Variants in RBFOX1 observed in about 807,000 individuals in gnomAD.
RBFOX1 encodes RNA binding protein fox-1 homolog 1.
RBFOX1 carries 8 observed loss-of-function variants against 57.7 expected under a neutral mutation model. The observed-to-expected ratio is 0.14, with a 90% CI of 0.08 to 0.25. RBFOX1 has a LOEUF of 0.25. RBFOX1 is among the 10% of genes least tolerant of loss of function. RBFOX1 has a pLI of 1.00. For synonymous variants in RBFOX1, 326 were observed against 222.4 expected (o/e 1.47, Z -4.15); for missense variants, 611 against 548.5 (o/e 1.11, Z -1.14).
intron 7 of RBFOX1, among the ~76,000 whole-genome samples, chr16:7,590,197 G>A (rs566105870): frequency 3.3e-5 from 5 of 151,890 alleles, no homozygotes; most frequent in Non-Finnish European, 7.4e-5. Context: ...ATCCCAGGAG[G>A]TCAAGGCTTT....
chr16:7,705,080 A>C (rs1296817314), intron 14 of RBFOX1, among the ~76,000 whole-genome samples: 1 of 151,832 alleles, frequency 6.6e-6, no homozygotes, highest in Non-Finnish European at 1.5e-5. Flanking sequence ...AGAGCCAGAG[A>C]AAGAAGCATC....
chr16:5,788,898 C>A (rs1597258286), intron 3 of RBFOX1, among the ~76,000 whole-genome samples: 2 of 152,120 alleles, frequency 1.3e-5, no homozygotes, highest in African/African-American at 4.8e-5. Flanking sequence ...TCCTGTTGCA[C>A]CCCATATGTA....
chr16:6,773,642 G>T (rs1476814368), intron 3 of RBFOX1, among the ~76,000 whole-genome samples: 1 of 125,802 alleles, frequency 7.9e-6, no homozygotes, highest in African/African-American at 3.3e-5. Context: ...GTGTGTGTAT[G>T]TGTGGGTGTG....
At chr16:5,308,823 A>C (rs996742463) in intron 1 of RBFOX1, among the ~76,000 whole-genome samples, 2 of 151,208 alleles carry the variant, frequency 1.3e-5, no homozygotes, top group Non-Finnish European at 2.9e-5. Flanking sequence ...TTTTCTGGAG[A>C]TCTCTCTCGC....
chr16:7,398,432 C>T (rs565800286), intron 4 of RBFOX1, among the ~76,000 whole-genome samples: 1 of 152,138 alleles, frequency 6.6e-6, no homozygotes, highest in African/African-American at 2.4e-5. Flanking sequence ...TAAAGAATCT[C>T]AATATATGGT....
At chr16:6,518,485 G>T (rs780779109) in intron 2 of RBFOX1, among the ~76,000 whole-genome samples, 14 of 152,224 alleles carry the variant, frequency 9.2e-5, no homozygotes, top group East Asian at 1.9e-4. Flanking sequence ...GGCACACTGA[G>T]AGTCAGTTAT....
intron 3 of RBFOX1, among the ~76,000 whole-genome samples, chr16:6,712,248 A>C (rs28706618): frequency 6.6e-6 from 1 of 152,162 alleles, no homozygotes; most frequent in African/African-American, 2.4e-5. Context: ...GAACTCTGCT[A>C]TGAACCCTTA....
intron 3 of RBFOX1, among the ~76,000 whole-genome samples, chr16:5,815,733 A>G (rs1167883622): frequency 2.6e-5 from 4 of 152,186 alleles, no homozygotes; most frequent in African/African-American, 2.4e-5. Context: ...TTGCAATACA[A>G]TGCACTTTAA....
chr16:5,564,524 A>G (rs1445142739), intron 2 of RBFOX1, among the ~76,000 whole-genome samples: 1 of 152,140 alleles, frequency 6.6e-6, no homozygotes, highest in Non-Finnish European at 1.5e-5. Flanking sequence ...AACACGTGTC[A>G]GGTGTGTACC....
chr16:6,093,316 G>C (rs1394993083), intron 1 of RBFOX1, among the ~76,000 whole-genome samples: 1 of 152,034 alleles, frequency 6.6e-6, no homozygotes, highest in Non-Finnish European at 1.5e-5. Flanking sequence ...GCTCGCACCT[G>C]TAGGCACATC....
chr16:6,712,169 G>C lies in RBFOX1; in HGVS notation c.-16+57519G>C, dbSNP rs2063822741. Reference sequence around the variant, plus strand: ...GGAATGTAGAGGTGCTCAATGAACAGTAGCCATCATCATTATTTACTATCA... The same window carrying C: ...GGAATGTAGAGGTGCTCAATGAACACTAGCCATCATCATTATTTACTATCA... On this transcript the variant is annotated intron_variant, in intron 3 of 15. Coordinates refer to ENST00000550418, the MANE Select transcript of RBFOX1 (RefSeq NM_018723.4). Among the ~76,000 whole-genome samples, 3 of 152,140 alleles carry C rather than the reference G, an allele frequency of 2.0e-5. No homozygotes were observed. In the South Asian group the frequency reaches 6.2e-4, roughly 32 times the overall value.
At chr16:7,697,259 A>T (rs1446695574) in intron 14 of RBFOX1, among the ~76,000 whole-genome samples, 2 of 152,064 alleles carry the variant, frequency 1.3e-5, no homozygotes, top group Non-Finnish European at 2.9e-5. Context: ...CTGTATTTTG[A>T]TGGGAGAACA....
chr16:7,147,982 C>G (rs76054188), intron 4 of RBFOX1, among the ~76,000 whole-genome samples: 2 of 152,250 alleles, frequency 1.3e-5, no homozygotes, highest in East Asian at 3.9e-4. Flanking sequence ...TAGAACCTTG[C>G]AGTCACACAA....
chr16:7,501,121 C>T (rs2070690719), intron 4 of RBFOX1, among the ~76,000 whole-genome samples: 1 of 152,194 alleles, frequency 6.6e-6, no homozygotes, highest in Non-Finnish European at 1.5e-5. Context: ...TATGTCTTTA[C>T]TTGCAGTGTG....
chr16:7,015,331 C>T lies in RBFOX1; in HGVS notation c.-15-36726C>T, dbSNP rs191674269. ...TGTTCTTCTAGACTATGGAGTAGAT[C>T]TGGAGCTTGGCTTCTTAGCCTTTTC... On this transcript the variant is annotated intron_variant, in intron 3 of 15. Transcript: ENST00000550418. Among the ~76,000 whole-genome samples the T allele has an allele frequency of 3.9e-5, 6 of 152,186 alleles. 1 individual carries two copies. The South Asian group carries it at 1.2e-3, about 32-fold the overall frequency.
intron 3 of RBFOX1, among the ~76,000 whole-genome samples, chr16:5,618,687 G>A (rs896719226): frequency 6.6e-6 from 1 of 152,186 alleles, no homozygotes; most frequent in African/African-American, 2.4e-5. Flanking sequence ...TGTTTTAAAA[G>A]AAAGAAATGC....
intron 4 of RBFOX1, among the ~76,000 whole-genome samples, chr16:5,910,938 T>C (rs2058587633): frequency 6.6e-6 from 1 of 152,218 alleles, no homozygotes; most frequent in African/African-American, 2.4e-5. Flanking sequence ...CTCCTCCCTG[T>C]GTTCCCCAAA....
At chr16:6,256,036 C>A (rs754855751) in intron 1 of RBFOX1, among the ~76,000 whole-genome samples, 15 of 149,394 alleles carry the variant, frequency 1.0e-4, no homozygotes, top group African/African-American at 3.7e-4. Flanking sequence ...ATGTGTATCC[C>A]AGAACGTAAA....
chr16:6,007,925 G>A (rs928268717), intron 4 of RBFOX1, among the ~76,000 whole-genome samples: 4 of 152,144 alleles, frequency 2.6e-5, no homozygotes, highest in East Asian at 1.9e-4. Context: ...TAAGAAAGGT[G>A]ATATGGGCCA....
Sources: gnomAD v4.1 joint callset for allele counts (sites outside exome capture counted in the v4.1 genomes callset) on GRCh38, gnomAD v4.1.1 for gene constraint, MANE v1.5 for transcripts, NCBI Gene and HGNC (gene_info 2026-07-23, HGNC 2026-07-21) for gene names.